The following DOT1L variants were observed in gnomAD, a reference collection of about 807,000 sequenced individuals.
The protein encoded by DOT1L is histone-lysine N-methyltransferase, H3 lysine-79 specific.
Under a neutral mutation model 153.3 loss-of-function variants are expected in DOT1L, and 33 were observed. The observed-to-expected ratio is 0.22, with a 90% CI of 0.16 to 0.29. DOT1L has a LOEUF of 0.29. DOT1L is among the 10% of genes least tolerant of loss of function. The pLI, the probability that DOT1L is intolerant of heterozygous loss-of-function variation, is 1.00. For synonymous variants in DOT1L, 1,135 were observed against 965.1 expected (o/e 1.18, Z -3.26); for missense variants, 1,847 against 2,119.9 (o/e 0.87, Z 2.53).
In DOT1L at chr19:2,217,852, G is replaced by A. The variant is rs1268503896; in HGVS notation, c.2625G>A (p.Gln875=). 2 of 1,612,016 alleles carry A rather than the reference G, an allele frequency of 1.2e-6. No individual in the cohort carries two copies. The highest frequency in any genetic ancestry group is 1.7e-6 in the Non-Finnish European group (2 of 1,179,556). Reference sequence around the variant, plus strand: ...TCAGCATCCCGCTCAGCACCGTGCAGCCCAACAAGCTCCCGGTCAGCATTC... The same window carrying A: ...TCAGCATCCCGCTCAGCACCGTGCAACCCAACAAGCTCCCGGTCAGCATTC... ...LPISIPLSTV[Q]PNKLPVSIPL... is the part of the protein sequence containing the mutation. Residue 875 remains glutamine (Q), a synonymous_variant, in exon 22 of 28, where the codon CAG becomes CAA. Coordinates refer to ENST00000398665, the MANE Select transcript of DOT1L (RefSeq NM_032482.3). The surrounding 1 kb of genome is among the most constrained non-coding windows in gnomAD (Gnocchi z 7.3).
At chr19:2,196,639 GT>G (rs1174858936) in intron 7 of DOT1L, among the ~76,000 whole-genome samples, 1 of 152,172 alleles carries the variant, frequency 6.6e-6, no homozygotes, top group African/African-American at 2.4e-5. Context: ...CCTCCTTGGG[GT>G]TTCCTACGTT....
At chr19:2,167,121 T>A (rs2019952332) in intron 1 of DOT1L, among the ~76,000 whole-genome samples, 1 of 152,214 alleles carries the variant, frequency 6.6e-6, no homozygotes. Context: ...GTGGGCTGTT[T>A]CCAATTTTTG....
At position 2,194,594 on chromosome 19, in the gene DOT1L, C is replaced by T. The variant is rs764879093; in HGVS notation, c.651+17C>T. 3.3e-5 allele frequency: 53 copies of T among 1,608,556 alleles called. No homozygotes were observed. The highest frequency in any genetic ancestry group is 2.0e-4 in the South Asian group (18 of 91,032). ...GAATACACAGTGAGTGCCATCGCTCCGCCCCGGCTCCCATCGCCGGCCCCA... is the reference window on the plus strand; with the variant it reads ...GAATACACAGTGAGTGCCATCGCTCTGCCCCGGCTCCCATCGCCGGCCCCA... On this transcript the variant is annotated intron_variant, in intron 7 of 27. Transcript: ENST00000398665.
chr19:2,227,029 C>G lies in DOT1L; in HGVS notation c.4508C>G (p.Ala1503Gly), dbSNP rs1250858514. 1.3e-6 allele frequency: 2 copies of G among 1,583,356 alleles called. No homozygotes were observed. Among genetic ancestry groups the G allele is most frequent in the Non-Finnish European group, 1.7e-6 (2 of 1,171,248 alleles). Residue 1503 changes from alanine to glycine, a missense_variant, in exon 27 of 28, where the codon GCC (alanine) becomes GGC (glycine). Around this residue, in one of 8 missense-constraint regions of DOT1L, gnomAD observed 934 missense variants for 825.3 expected, o/e 1.13. Transcript: ENST00000398665. ...CAGTCGCTGTTCAGCTCTGTGCCGGCCGCCGCAGGCCTGGTGCACGTGTCG... is the reference window on the plus strand; with the variant it reads ...CAGTCGCTGTTCAGCTCTGTGCCGGGCGCCGCAGGCCTGGTGCACGTGTCG... Reference protein sequence around the residue: ...VLQSLFSSVPAAAGLVHVSSA... With the variant: ...VLQSLFSSVPGAAGLVHVSSA...
At chr19:2,211,634 C>A in intron 15 of DOT1L, 117 bp from the exon 16 acceptor site, 2 of 859,080 alleles carry the variant, frequency 2.3e-6, no homozygotes, top group Non-Finnish European at 3.6e-6. Flanking sequence ...TGAGCTCCTG[C>A]CTCATGAGTG....
chr19:2,170,183 A>C (rs535502973), intron 1 of DOT1L, among the ~76,000 whole-genome samples: 11 of 152,296 alleles, frequency 7.2e-5, no homozygotes, highest in African/African-American at 2.2e-4. Flanking sequence ...TTGTTCAAGT[A>C]ATATTGGCCA....
chr19:2,195,855 G>A (rs1202011243), intron 7 of DOT1L, among the ~76,000 whole-genome samples: 1 of 152,208 alleles, frequency 6.6e-6, no homozygotes. Flanking sequence ...AGTGTTCAGG[G>A]GTCCTGTTGT....
In DOT1L at chr19:2,164,014, C is replaced by T; in HGVS notation, c.-171C>T. The T allele has an allele frequency of 4.0e-6, 1 of 251,338 alleles. No individual in the cohort carries two copies. The highest frequency in any genetic ancestry group is 6.7e-6 in the Non-Finnish European group (1 of 148,250). 15.6% of individuals were successfully genotyped at this position (251,338 alleles called of 1,614,324 possible). A position where few individuals can be genotyped will look rare whatever the true frequency, so the allele number is the denominator to read the frequency against. ...GTGACTACAAAGAGGGAGTCGGGGG[C>T]CGGGCCGGACCGGAGCGCGGCGGCG... On this transcript the variant is annotated 5_prime_UTR_variant, in exon 1 of 28. Transcript: ENST00000398665.
chr19:2,182,481 G>C (rs2022288027), intron 2 of DOT1L, among the ~76,000 whole-genome samples: 1 of 152,178 alleles, frequency 6.6e-6, no homozygotes, highest in East Asian at 1.9e-4. Context: ...CGCTGTGATT[G>C]TGCCACCGCC....
chr19:2,166,995 G>T (rs12611107), intron 1 of DOT1L, among the ~76,000 whole-genome samples: 1 of 152,064 alleles, frequency 6.6e-6, no homozygotes, highest in Non-Finnish European at 1.5e-5. Flanking sequence ...GCTTTCAGGC[G>T]GCCAAATCCG....
intron 1 of DOT1L, 193 bp downstream of exon 1, chr19:2,164,458 C>T: frequency 2.8e-6 from 1 of 360,052 alleles, no homozygotes; most frequent in South Asian, 1.4e-4. Context: ...AGGGTGGGAG[C>T]CCCGCGCGCC....
At chr19:2,173,008 T>C (rs1248666885) in intron 1 of DOT1L, among the ~76,000 whole-genome samples, 2 of 150,852 alleles carry the variant, frequency 1.3e-5, no homozygotes, top group African/African-American at 2.4e-5. Context: ...CCGTTTTAAG[T>C]GTACATTTCA....
chr19:2,181,725 G>T (rs936935691), intron 2 of DOT1L, among the ~76,000 whole-genome samples: 2 of 152,146 alleles, frequency 1.3e-5, no homozygotes, highest in African/African-American at 4.8e-5. Flanking sequence ...GAGGGCTCTG[G>T]ATCAGGCAGC....
intron 25 of DOT1L, 65 bp downstream of exon 25, chr19:2,223,551 T>C (rs2144914105): frequency 1.5e-5 from 3 of 194,992 alleles, no homozygotes; most frequent in East Asian, 1.5e-4. Flanking sequence ...CTGCTCACTG[T>C]GTGTGTGTGG....
chr19:2,229,264 C>CA, intron 27 of DOT1L: 1 of 985,482 alleles, frequency 1.0e-6, no homozygotes. Flanking sequence ...CCCGTGCCCT[C>CA]CAGGGACATG....
chr19:2,177,725 G>A (rs113897223), intron 1 of DOT1L, among the ~76,000 whole-genome samples: 20 of 151,540 alleles, frequency 1.3e-4, no homozygotes, highest in African/African-American at 4.8e-4. Context: ...CCTGCTCTCC[G>A]CTCTGCCCAG....
In DOT1L at chr19:2,231,634, C is replaced by G; in HGVS notation, c.*1842C>G. The G allele has an allele frequency of 4.7e-6, 1 of 213,226 alleles. No individual in the cohort carries two copies. Among genetic ancestry groups the G allele is most frequent in the Non-Finnish European group, 9.5e-6 (1 of 105,438 alleles). The allele number at this position is 213,226 out of a possible 1,614,324, so 13.2% of individuals were successfully genotyped here. A position where few individuals can be genotyped will look rare whatever the true frequency, so the allele number is the denominator to read the frequency against. ...CTCTCAGCTAGAAGGTGCTGTGCCT[C>G]TGCCTGAGCCCCAAGCCCCGAGCCT... On this transcript the variant is annotated 3_prime_UTR_variant, in exon 28 of 28. Transcript: ENST00000398665.
intron 27 of DOT1L, chr19:2,229,411 C>A (rs2024504422): frequency 2.0e-6 from 2 of 985,338 alleles, no homozygotes; most frequent in African/African-American, 1.7e-5. Context: ...AGCCAGGAGC[C>A]AAGGCGGAGG....
At chr19:2,223,556 GTGT>G in intron 25 of DOT1L, 70 bp downstream of exon 25, 1 of 316,758 alleles carries the variant, frequency 3.2e-6, no homozygotes. Flanking sequence ...CACTGTGTGT[GTGT>G]GGGTGGGTGG....
Sources: allele counts gnomAD v4.1 joint callset (sites outside exome capture counted in the v4.1 genomes callset), GRCh38; gene constraint gnomAD v4.1.1; regional missense constraint gnomAD v4.1.1; non-coding constraint Gnocchi (gnomAD v3.1); transcripts MANE v1.5; gene names NCBI Gene and HGNC (gene_info 2026-07-23, HGNC 2026-07-21).